The following DMD variants were observed in gnomAD, a reference collection of about 807,000 sequenced individuals.
The protein encoded by DMD is mutant dystrophin.
DMD carries 63 observed loss-of-function variants against 330.1 expected under a neutral mutation model. The ratio of observed to expected loss-of-function variants is 0.19; its 90% CI spans 0.16 to 0.24. The LOEUF is 0.24. Ranked by LOEUF, DMD falls within the 10% of genes least tolerant of loss-of-function variation. DMD has a pLI of 1.00. For missense variants in DMD, 3,344 were observed against 2,684.1 expected, an observed-to-expected ratio of 1.25 and a Z score of -5.43; for synonymous variants, 1,223 against 959.8, an observed-to-expected ratio of 1.27 and a Z score of -5.07.
intron 42 of DMD, among the ~76,000 whole-genome samples, chrX:32,296,745 A>C (rs1178481922): frequency 8.9e-6 from 1 of 112,299 alleles, no homozygotes; most frequent in Non-Finnish European, 1.9e-5. Flanking sequence ...TCTTCAAATG[A>C]AATAAAATTT....
intron 52 of DMD, among the ~76,000 whole-genome samples, chrX:31,725,854 T>C (rs1220401112): frequency 1.8e-5 from 2 of 112,603 alleles, no homozygotes; most frequent in Admixed American, 9.4e-5. Context: ...GGAAGCAGTT[T>C]TATCTTTCCA....
chrX:31,754,238 C>T (rs973557868), intron 51 of DMD, among the ~76,000 whole-genome samples: 11 of 111,329 alleles, frequency 9.9e-5, no homozygotes, highest in African/African-American at 3.3e-4. Flanking sequence ...TTGGAGTTAC[C>T]ATGAAATTAG....
At chrX:33,077,772 C>T (rs2094867985) in intron 1 of DMD, among the ~76,000 whole-genome samples, 2 of 111,498 alleles carry the variant, frequency 1.8e-5, no homozygotes, top group South Asian at 7.3e-4. Flanking sequence ...AACTTCTAAC[C>T]CACAAACAAT....
intron 57 of DMD, among the ~76,000 whole-genome samples, chrX:31,494,290 G>A (rs1342435647): frequency 9.0e-6 from 1 of 110,960 alleles, no homozygotes; most frequent in Non-Finnish European, 1.9e-5. Flanking sequence ...TTAGAGTCTC[G>A]GAATATTTAG....
chrX:32,073,430 A>G (rs1187605014), intron 44 of DMD, among the ~76,000 whole-genome samples: 4 of 111,931 alleles, frequency 3.6e-5, no homozygotes, highest in Non-Finnish European at 7.5e-5. Context: ...ACAAGAGTAT[A>G]CATATTTTAT....
chrX:32,742,687 A>T (rs898377965), intron 7 of DMD, among the ~76,000 whole-genome samples: 10 of 111,935 alleles, frequency 8.9e-5, no homozygotes, highest in Non-Finnish European at 1.9e-4. Context: ...TTATGAAGAT[A>T]CAAGGCAACA....
rs1364946341 is a variant in DMD, at chrX:32,250,524, T to C, written c.6291-33461A>G. 2.7e-5 allele frequency among the ~76,000 whole-genome samples: 3 copies of C among 112,193 alleles called. No homozygotes were observed. In the Admixed American group the frequency reaches 2.8e-4, roughly 11 times the overall value. On this transcript the variant is annotated intron_variant, in intron 43 of 78. Transcript: ENST00000357033. ...CTATCCATGCGGGTCAAAAGGAAAT[T>C]AATGAGCTCTTGTTTCCTCTGACAC...
At chrX:32,132,655 C>T (rs1289073709) in intron 44 of DMD, among the ~76,000 whole-genome samples, 1 of 111,285 alleles carries the variant, frequency 9.0e-6, no homozygotes, top group Admixed American at 9.5e-5. Flanking sequence ...GCTGCTAATT[C>T]AACCACTGAG....
chrX:32,717,092 T>A (rs767039008), intron 7 of DMD, among the ~76,000 whole-genome samples: 1 of 110,969 alleles, frequency 9.0e-6, no homozygotes, highest in Non-Finnish European at 1.9e-5. Context: ...AAAAGCCTAT[T>A]TTCTCGGGGT....
rs369439667 is a variant in DMD at position 32,165,180 on chromosome X, C to G, written c.6438+51736G>C. Among the ~76,000 whole-genome samples, 11 of 112,387 alleles carry G rather than the reference C, an allele frequency of 9.8e-5. No homozygotes were observed. The East Asian group carries it at 2.3e-3, about 23-fold the overall frequency. On this transcript the variant is annotated intron_variant, in intron 44 of 78. Coordinates refer to ENST00000357033, the MANE Select transcript of DMD (RefSeq NM_004006.3). ...CTATGAGAAGAGGGCCACTGTCCAC[C>G]AGACCCCACAATGGTAGAGCGATCA...
upstream of DMD, among the ~76,000 whole-genome samples, chrX:33,214,803 G>T (rs1452073639): frequency 9.0e-6 from 1 of 111,190 alleles, no homozygotes; most frequent in Non-Finnish European, 1.9e-5. Flanking sequence ...ACAGGTGAAT[G>T]CCACCATATT....
intron 44 of DMD, among the ~76,000 whole-genome samples, chrX:32,022,837 T>C (rs1458189157): frequency 9.3e-6 from 1 of 106,993 alleles, no homozygotes; most frequent in Non-Finnish European, 1.9e-5. Flanking sequence ...TTTTTTTTTT[T>C]TTTTTTTCTT....
chrX:31,653,437 T>C (rs984938616), intron 54 of DMD, among the ~76,000 whole-genome samples: 1 of 110,591 alleles, frequency 9.0e-6, no homozygotes, highest in Non-Finnish European at 1.9e-5. Flanking sequence ...TTTTTTAGTA[T>C]CTGGGAGCTT....
chrX:32,155,916 T>C (rs2096827705), intron 44 of DMD, among the ~76,000 whole-genome samples: 1 of 109,564 alleles, frequency 9.1e-6, no homozygotes, highest in Non-Finnish European at 1.9e-5. Flanking sequence ...AATGCAAGGT[T>C]TGCTGAACAG....
At chrX:32,485,201 A>G in intron 20 of DMD, 102 bp from the exon 21 acceptor site, 3 of 738,853 alleles carry the variant, frequency 4.1e-6, no homozygotes, top group East Asian at 3.3e-5. Context: ...TTAGCTTAAT[A>G]CCCTTCACAA....
rs371441384 is a variant in DMD, at chrX:31,969,326, C to T, written c.6439-812G>A. Among the ~76,000 whole-genome samples, 88 of 111,611 alleles carry T rather than the reference C, an allele frequency of 7.9e-4. 1 individual carries two copies. Among genetic ancestry groups the T allele is most frequent in the African/African-American group, 2.5e-3 (77 of 30,810 alleles). ...TACCATTAAATAAAAATGGCAATTA[C>T]GTTCTATTTAACTTTTTAAAAAAGA... On this transcript the variant is annotated intron_variant, in intron 44 of 78. Transcript: ENST00000357033.
rs776712578 is a variant in DMD at position 32,336,763 on chromosome X, C to T, written c.5922+5337G>A. On this transcript the variant is annotated intron_variant, in intron 41 of 78. Coordinates refer to ENST00000357033, the MANE Select transcript of DMD (RefSeq NM_004006.3). ...ATCTAAATAAGTTATAGCACCTATG[C>T]AAAATTCTAGGTGAAAAATATTCCA... 5.4e-5 allele frequency among the ~76,000 whole-genome samples: 6 copies of T among 111,991 alleles called. No individual in the cohort carries two copies. In the East Asian group the frequency reaches 1.7e-3, roughly 31 times the overall value.
intron 44 of DMD, among the ~76,000 whole-genome samples, chrX:31,974,233 A>G (rs1334206853): frequency 6.3e-5 from 7 of 110,726 alleles, no homozygotes; most frequent in African/African-American, 2.3e-4. Flanking sequence ...GGACGTAAAT[A>G]TGCGAACAAC....
intron 50 of DMD, among the ~76,000 whole-genome samples, chrX:31,795,148 C>A (rs2091767817): frequency 9.0e-6 from 1 of 111,429 alleles, no homozygotes; most frequent in Admixed American, 9.5e-5. Context: ...TCTACGGAAT[C>A]CATCCTCAGT....
Sources: allele counts gnomAD v4.1 joint callset (sites outside exome capture counted in the v4.1 genomes callset), GRCh38; gene constraint gnomAD v4.1.1; transcripts MANE v1.5; gene names NCBI Gene and HGNC (gene_info 2026-07-23, HGNC 2026-07-21).